Variants in SOX5 observed in about 807,000 individuals in gnomAD.
SOX5 encodes the protein transcription factor SOX-5.
In SOX5, 9 loss-of-function variants were observed where a neutral mutation model predicts 92.0. The observed-to-expected ratio is 0.10, with a 90% CI of 0.06 to 0.17. The LOEUF is 0.17. Ranked by LOEUF, SOX5 falls within the 10% of genes least tolerant of loss-of-function variation. SOX5 has a pLI of 1.00. For missense variants in SOX5, 642 were observed against 944.5 expected (o/e 0.68, Z 4.20); for synonymous variants, 344 against 336.3 (o/e 1.02, Z -0.25).
intron 6 of SOX5, among the ~76,000 whole-genome samples, chr12:23,732,473 T>C (rs1373921458): frequency 4.4e-5 from 3 of 68,120 alleles, no homozygotes; most frequent in African/African-American, 9.3e-5. Flanking sequence ...TACTGGAAGC[T>C]GTGAAAATGA....
At chr12:24,543,236 G>A (rs557826349) in intron 1 of SOX5, among the ~76,000 whole-genome samples, 34 of 152,280 alleles carry the variant, frequency 2.2e-4, no homozygotes, top group East Asian at 1.9e-3. Context: ...TGGAAGCTCC[G>A]TAAGGGTAAG....
intron 6 of SOX5, among the ~76,000 whole-genome samples, chr12:23,692,544 T>G (rs753222555): frequency 4.6e-5 from 7 of 152,184 alleles, no homozygotes; most frequent in Non-Finnish European, 1.0e-4. Flanking sequence ...CAACAGTTCC[T>G]GAGACATGGT....
intron 10 of SOX5, among the ~76,000 whole-genome samples, chr12:23,565,229 A>G (rs937927311): frequency 7.9e-5 from 12 of 152,320 alleles, no homozygotes; most frequent in Admixed American, 7.8e-4. Flanking sequence ...ATTATCCTCA[A>G]CATCCTAATT....
At chr12:23,735,895 A>G (rs2093573672) in intron 5 of SOX5, among the ~76,000 whole-genome samples, 1 of 152,180 alleles carries the variant, frequency 6.6e-6, no homozygotes, top group Admixed American at 6.5e-5. Context: ...TGCTAGTAAC[A>G]TCTTTCTGTC....
At chr12:24,358,464 A>C (rs890215060) in intron 2 of SOX5, among the ~76,000 whole-genome samples, 1 of 140,764 alleles carries the variant, frequency 7.1e-6, no homozygotes, top group African/African-American at 2.5e-5. Context: ...CTTAACTGCC[A>C]AAAAAAATTG....
rs958652667 is a variant in SOX5 at position 23,898,718 on chromosome 12, G to A, written c.39-2694C>T. ...AAGGTTAAGGTTTATAACACTGAAC[G>A]TGAAAGCGTCATGATGCCGGAAGGC... is the stretch of plus-strand genomic sequence containing the variant. On this transcript the variant is annotated intron_variant, in intron 1 of 14. Coordinates refer to ENST00000451604, the MANE Select transcript of SOX5 (RefSeq NM_006940.6). Among the ~76,000 whole-genome samples, 16 of 152,194 alleles carry A rather than the reference G, an allele frequency of 1.1e-4. 1 individual carries two copies. Among genetic ancestry groups the A allele is most frequent in the South Asian group, 4.1e-4 (2 of 4,830 alleles).
chr12:24,024,654 C>G lies in SOX5; in HGVS notation c.-1-128630G>C, dbSNP rs1037921410. 2.0e-5 allele frequency among the ~76,000 whole-genome samples: 3 copies of G among 152,120 alleles called. No homozygotes were observed. The East Asian group carries it at 5.8e-4, about 29-fold the overall frequency. On this transcript the variant is annotated intron_variant, in intron 4 of 4. Transcript: ENST00000446891. ...AAATATGTGTAATAATTTTCAAACACTAATTCCAAATTATTGCACTCACAA... is the reference window on the plus strand; with the variant it reads ...AAATATGTGTAATAATTTTCAAACAGTAATTCCAAATTATTGCACTCACAA...
chr12:23,862,354 A>G (rs2096765625), intron 2 of SOX5, among the ~76,000 whole-genome samples: 1 of 152,178 alleles, frequency 6.6e-6, no homozygotes, highest in Non-Finnish European at 1.5e-5. Flanking sequence ...AAATTTGTCT[A>G]CTATTGAAAA....
At chr12:23,567,583 C>T (rs1053404839) in intron 10 of SOX5, among the ~76,000 whole-genome samples, 6 of 151,012 alleles carry the variant, frequency 4.0e-5, no homozygotes, top group African/African-American at 1.5e-4. Context: ...GCCTCAGCCT[C>T]CTGAGTAGCT....
chr12:23,802,097 G>A (rs556422303), intron 3 of SOX5, among the ~76,000 whole-genome samples: 1 of 151,386 alleles, frequency 6.6e-6, no homozygotes, highest in African/African-American at 2.4e-5. Context: ...TTTTTGAGAC[G>A]GAGTCCCACT....
At chr12:24,012,119 G>C (rs1278945714) in intron 4 of SOX5, among the ~76,000 whole-genome samples, 2 of 65,200 alleles carry the variant, frequency 3.1e-5, no homozygotes, top group Non-Finnish European at 8.4e-5. Flanking sequence ...TCAAATTGCT[G>C]ACTTCAGCAG....
intron 8 of SOX5, among the ~76,000 whole-genome samples, chr12:23,619,210 C>A (rs954182153): frequency 1.3e-5 from 2 of 152,074 alleles, no homozygotes; most frequent in East Asian, 1.9e-4. Context: ...AGTTTTGGCT[C>A]TTTGAGTATA....
At chr12:24,275,360 T>A (rs1246979223) in intron 3 of SOX5, among the ~76,000 whole-genome samples, 1 of 152,164 alleles carries the variant, frequency 6.6e-6, no homozygotes, top group Non-Finnish European at 1.5e-5. Flanking sequence ...CATACATGTG[T>A]GTACATAAAT....
intron 4 of SOX5, among the ~76,000 whole-genome samples, chr12:23,995,624 T>C (rs964606114): frequency 6.6e-6 from 1 of 152,096 alleles, no homozygotes; most frequent in Non-Finnish European, 1.5e-5. Flanking sequence ...CTTGAGACCA[T>C]GAGTTGGAGG....
chr12:23,630,310 A>G (rs1382099519), intron 8 of SOX5, among the ~76,000 whole-genome samples: 1 of 151,976 alleles, frequency 6.6e-6, no homozygotes, highest in Non-Finnish European at 1.5e-5. Context: ...CCATAGCAAA[A>G]TATGAAAAAC....
intron 4 of SOX5, among the ~76,000 whole-genome samples, chr12:23,746,877 G>A (rs957531983): frequency 1.8e-4 from 27 of 152,084 alleles, no homozygotes; most frequent in Admixed American, 1.5e-3. Flanking sequence ...GGTCTTTCCC[G>A]TGCTATTCTC....
intron 2 of SOX5, among the ~76,000 whole-genome samples, chr12:23,890,665 G>T (rs2097121732): frequency 6.6e-6 from 1 of 152,010 alleles, no homozygotes. Context: ...TACTCATATT[G>T]ATTGACATGA....
intron 2 of SOX5, among the ~76,000 whole-genome samples, chr12:24,335,489 A>C (rs1488199305): frequency 6.6e-6 from 1 of 152,204 alleles, no homozygotes; most frequent in East Asian, 1.9e-4. Flanking sequence ...CTCATTGTAC[A>C]GCATAGGAAA....
At chr12:24,037,312 A>C (rs1956136951) in intron 4 of SOX5, among the ~76,000 whole-genome samples, 1 of 152,198 alleles carries the variant, frequency 6.6e-6, no homozygotes, top group South Asian at 2.1e-4. Context: ...ATATGTAGAC[A>C]GACATTCACC....
Sources: allele counts gnomAD v4.1 joint callset (sites outside exome capture counted in the v4.1 genomes callset), GRCh38; gene constraint gnomAD v4.1.1; transcripts MANE v1.5; gene names NCBI Gene and HGNC (gene_info 2026-07-23, HGNC 2026-07-21).